Variants in IARS2 observed in about 807,000 individuals in gnomAD.
IARS2 encodes the protein isoleucyl-tRNA synthetase 2, mitochondrial.
IARS2 carries 56 observed loss-of-function variants against 126.3 expected under a neutral mutation model. The observed-to-expected ratio is 0.44, with a 90% confidence interval of 0.36 to 0.55. The LOEUF is 0.55. IARS2 is among the 20% of genes least tolerant of loss of function. The probability of loss-of-function intolerance (pLI) is 0.00; values close to 1 mark genes in which losing one functional copy is unlikely to be tolerated. For missense variants in IARS2, 1,127 were observed against 1,245.9 expected, an observed-to-expected ratio of 0.90 and a Z score of 1.44; for synonymous variants, 407 against 441.1, an observed-to-expected ratio of 0.92 and a Z score of 0.97.
At chr1:220,096,371 T>C in intron 2 of IARS2, 145 bp downstream of exon 2, 1 of 591,988 alleles carries the variant, frequency 1.7e-6, no homozygotes, top group Non-Finnish European at 2.7e-6. Flanking sequence ...AATATACAAT[T>C]TTAGTACTGC....
rs1282161597 is a variant in IARS2, at chr1:220,102,272, G to A, written c.694G>A (p.Asp232Asn). The A allele has an allele frequency of 1.9e-6, 3 of 1,606,856 alleles. No homozygotes were observed. Among genetic ancestry groups the A allele is most frequent in the African/African-American group, 1.3e-5 (1 of 74,240 alleles). Reference sequence around the variant, plus strand: ...GTTGAGAACTTTTTACCAAATGTATGATAAGGTAAAGAAGTATTTTTTCTC... The same window carrying A: ...GTTGAGAACTTTTTACCAAATGTATAATAAGGTAAAGAAGTATTTTTTCTC... ...KQLRTFYQMY[D>N]KGLVYRSYKP... Residue 232 changes from aspartate (D) to asparagine (N), a missense_variant, in exon 4 of 23, where the codon GAT becomes AAT. Coordinates refer to ENST00000366922, the MANE Select transcript of IARS2 (RefSeq NM_018060.4).
rs376359534 is a variant in IARS2, at chr1:220,096,084, CTTTTT to C, written c.268-12_268-8del. 15 of 1,004,910 alleles carry C rather than the reference CTTTTT, an allele frequency of 1.5e-5. No homozygotes were observed. The highest frequency in any genetic ancestry group is 2.0e-5 in the Non-Finnish European group (14 of 703,414). 62.2% of individuals were successfully genotyped at this position (1,004,910 alleles called of 1,614,324 possible). A position where few individuals can be genotyped will look rare whatever the true frequency, so the allele number is the denominator to read the frequency against. On this transcript the variant is annotated splice_polypyrimidine_tract_variant and intron_variant, in intron 1 of 22. Coordinates refer to ENST00000366922, the MANE Select transcript of IARS2 (RefSeq NM_018060.4). ...ATGTATTTATATGATGTTTAGATAT[CTTTTT>C]TTTTTTTAAAACAGAAATGTGGATT...
At chr1:220,098,571 C>T (rs1400047983) in intron 2 of IARS2, among the ~76,000 whole-genome samples, 1 of 149,416 alleles carries the variant, frequency 6.7e-6, no homozygotes, top group Non-Finnish European at 1.5e-5. Flanking sequence ...TTTTTGTTTA[C>T]TACTATATTC....
chr1:220,143,073 A>G lies in IARS2; in HGVS notation c.2690A>G (p.Asn897Ser), dbSNP rs1470843342. ...TTTCTTGGAAGCATCCCTGGCAAAA[A>G]TGCAGCTGAGTACAAGGTTATCACT... ...DSFLGSIPGK[N>S]AAEYKVITVI... Residue 897 changes from asparagine to serine, a missense_variant, in exon 21 of 23, where the codon AAT (asparagine) becomes AGT (serine). Transcript: ENST00000366922. The G allele has an allele frequency of 6.2e-7, 1 of 1,614,072 alleles. No individual in the cohort carries two copies. The highest frequency in any genetic ancestry group is 8.5e-7 in the Non-Finnish European group (1 of 1,180,022).
chr1:220,124,023 A>C (rs1657104163), intron 12 of IARS2, among the ~76,000 whole-genome samples: 1 of 152,218 alleles, frequency 6.6e-6, no homozygotes, highest in South Asian at 2.1e-4. Flanking sequence ...ACAAATGAGG[A>C]AACAGGCACA....
intron 14 of IARS2, among the ~76,000 whole-genome samples, chr1:220,131,930 T>G (rs2102835639): frequency 6.6e-6 from 1 of 151,808 alleles, no homozygotes; most frequent in African/African-American, 2.4e-5. Context: ...CCCGAGTAGC[T>G]GCGACTACAG....
Position 220,147,901 on chromosome 1 carries a change from T to G in IARS2, c.*266T>G. The stretch of plus-strand genomic sequence containing the variant: ...TATCTCTTCCTATATATATCCATAG[T>G]GGACTTATTCAGAACATAGATATGT... On this transcript the variant is annotated 3_prime_UTR_variant, in exon 23 of 23. Transcript: ENST00000366922. 2.3e-6 allele frequency: 1 copy of G among 435,986 alleles called. No homozygotes were observed. The highest frequency in any genetic ancestry group is 4.1e-6 in the Non-Finnish European group (1 of 246,320). The allele number at this position is 435,986 out of a possible 1,614,324, so 27.0% of individuals were successfully genotyped here. A position where few individuals can be genotyped will look rare whatever the true frequency, so the allele number is the denominator to read the frequency against.
chr1:220,118,663 A>G (rs927661146), intron 12 of IARS2, among the ~76,000 whole-genome samples: 2 of 152,134 alleles, frequency 1.3e-5, no homozygotes, highest in African/African-American at 2.4e-5. Flanking sequence ...CTTTCATGCT[A>G]TTAATGCTAT....
Position 220,140,281 on chromosome 1 carries a change from C to A in IARS2, c.2406C>A (p.Ile802=). 1 of 1,563,802 alleles carries A rather than the reference C, an allele frequency of 6.4e-7. No homozygotes were observed. The highest frequency in any genetic ancestry group is 1.1e-5 in the South Asian group (1 of 90,064). The part of the protein sequence containing the change: ...RELSNFYFSI[I]KDRLYCEKEN... The stretch of plus-strand genomic sequence containing the variant: ...TCTCTAACTTTTATTTCAGTATAAT[C>A]AAAGATAGGTATGTATGACTAAATA... The change falls in exon 19 of 23, where the codon ATC becomes ATA. Residue 802 remains isoleucine, a synonymous_variant. Transcript: ENST00000366922.
At chr1:220,138,191 G>A in intron 17 of IARS2, 148 bp downstream of exon 17, 1 of 916,108 alleles carries the variant, frequency 1.1e-6, no homozygotes, top group Non-Finnish European at 1.6e-6. Context: ...CTCCTGTGTT[G>A]GCCAGGCATG....
chr1:220,135,689 G>A (rs975619550), intron 15 of IARS2, among the ~76,000 whole-genome samples: 14 of 144,288 alleles, frequency 9.7e-5, no homozygotes, highest in Admixed American at 6.4e-4. Flanking sequence ...CTTAACATGC[G>A]TTTTAAAGAC....
chr1:220,126,942 CT>C, intron 14 of IARS2, 99 bp downstream of exon 14: 1 of 817,936 alleles, frequency 1.2e-6, no homozygotes, highest in Non-Finnish European at 2.0e-6. Context: ...TCTGTGTGTG[CT>C]TTATTTAGAG....
Position 220,106,053 on chromosome 1 carries a change from T to C in IARS2, c.1229T>C (p.Leu410Pro), listed in dbSNP as rs1475055424. 6.2e-7 allele frequency: 1 copy of C among 1,612,348 alleles called. No individual in the cohort carries two copies. The highest frequency in any genetic ancestry group is 8.5e-7 in the Non-Finnish European group (1 of 1,178,778). The part of the protein sequence containing the change: ...EDYGVASQHN[L>P]PMDCLVDEDG... ...TACGGTGTAGCGTCTCAGCACAACC[T>C]GCCCATGGTACTGTTCCTCTTTTAT... Residue 410 changes from leucine (L) to proline (P), a missense_variant, in exon 9 of 23, where the codon CTG becomes CCG. Coordinates refer to ENST00000366922, the MANE Select transcript of IARS2 (RefSeq NM_018060.4).
chr1:220,141,180 T>G (rs1011815193), intron 19 of IARS2, among the ~76,000 whole-genome samples: 11 of 152,144 alleles, frequency 7.2e-5, no homozygotes, highest in African/African-American at 2.7e-4. Flanking sequence ...CTTGATAAAG[T>G]GTTCAAAAAA....
chr1:220,134,189 A>G (rs1318016140), intron 14 of IARS2, among the ~76,000 whole-genome samples: 4 of 152,178 alleles, frequency 2.6e-5, no homozygotes, highest in Non-Finnish European at 5.9e-5. Flanking sequence ...TCAGTACATC[A>G]TTTCAGAAGT....
intron 2 of IARS2, among the ~76,000 whole-genome samples, chr1:220,097,151 A>G (rs1379206954): frequency 1.3e-5 from 2 of 152,092 alleles, no homozygotes; most frequent in Non-Finnish European, 2.9e-5. Context: ...TGGATTAAGC[A>G]AAGAGAGAGA....
chr1:220,140,224 T>C lies in IARS2; in HGVS notation c.2349T>C (p.Val783=). ...LYKQYDFGKV[V]RLLRTFYTRE... ...AACAATATGATTTTGGAAAAGTTGT[T>C]CGGCTGTTACGGACGTTTTATACCA... Residue 783 remains valine, a synonymous_variant, in exon 19 of 23, where the codon GTT becomes GTC. Transcript: ENST00000366922. 1 of 1,613,316 alleles carries C rather than the reference T, an allele frequency of 6.2e-7. No individual in the cohort carries two copies. Among genetic ancestry groups the C allele is most frequent in the Non-Finnish European group, 8.5e-7 (1 of 1,179,288 alleles).
At chr1:220,101,774 G>C (rs1656578210) in intron 3 of IARS2, among the ~76,000 whole-genome samples, 1 of 152,196 alleles carries the variant, frequency 6.6e-6, no homozygotes. Flanking sequence ...GCTGAGGCGG[G>C]TAGATCACGA....
chr1:220,102,589 T>C lies in IARS2; in HGVS notation c.844T>C (p.Leu282=). The C allele has an allele frequency of 6.2e-7, 1 of 1,610,474 alleles. No individual in the cohort carries two copies. Among genetic ancestry groups the C allele is most frequent in the Non-Finnish European group, 8.5e-7 (1 of 1,176,772 alleles). Residue 282 remains leucine (L), a synonymous_variant, in exon 6 of 23, where the codon TTG becomes CTG. Coordinates refer to ENST00000366922, the MANE Select transcript of IARS2 (RefSeq NM_018060.4). ...TCCTCTCTTAAAGCCTTCTCCAAAA[T>C]TGGCATCTCTTATAGGTAAGATTTA... ...KFPLLKPSPK[L]ASLIDGSSPV... is the part of the protein sequence containing the mutation.
Sources: gnomAD v4.1 joint callset for allele counts (sites outside exome capture counted in the v4.1 genomes callset) on GRCh38, gnomAD v4.1.1 for gene constraint, MANE v1.5 for transcripts, NCBI Gene and HGNC (gene_info 2026-07-23, HGNC 2026-07-21) for gene names.